Variants in LMO7 observed in about 807,000 individuals in gnomAD.
The protein encoded by LMO7 is LIM domain 7.
A neutral mutation model predicts 206.5 loss-of-function variants in LMO7; 120 were observed. The ratio of observed to expected loss-of-function variants is 0.58; its 90% CI spans 0.50 to 0.68. The LOEUF (loss-of-function observed/expected upper bound fraction) is 0.68, where lower values mean the gene tolerates loss of function less well. LMO7 is among the 30% of genes least tolerant of loss of function. The probability of loss-of-function intolerance (pLI) is 0.00; values close to 1 mark genes in which losing one functional copy is unlikely to be tolerated. For synonymous variants in LMO7, 706 were observed against 681.5 expected, an observed-to-expected ratio of 1.04 and a Z score of -0.56; for missense variants, 1,959 against 1,957.9, an observed-to-expected ratio of 1.00 and a Z score of -0.01.
chr13:75,657,446 C>T (rs1182858884), intron 1 of LMO7, among the ~76,000 whole-genome samples: 1 of 151,922 alleles, frequency 6.6e-6, no homozygotes, highest in African/African-American at 2.4e-5. Flanking sequence ...TTGGTGACAC[C>T]AGCAGTCAAT....
At chr13:75,671,075 C>T (rs372522405) in intron 1 of LMO7, among the ~76,000 whole-genome samples, 1 of 149,832 alleles carries the variant, frequency 6.7e-6, no homozygotes, top group African/African-American at 2.5e-5. Flanking sequence ...TCACTGTCTT[C>T]TACCTCCACG....
At chr13:75,771,891 A>G (rs956491866) in intron 4 of LMO7, among the ~76,000 whole-genome samples, 15 of 96,382 alleles carry the variant, frequency 1.6e-4, no homozygotes, top group Non-Finnish European at 2.9e-4. Flanking sequence ...TAAAGAAGAA[A>G]AATTACTTCA....
At chr13:75,663,462 G>T (rs1370177559) in intron 1 of LMO7, among the ~76,000 whole-genome samples, 2 of 75,726 alleles carry the variant, frequency 2.6e-5, no homozygotes, top group African/African-American at 9.2e-5. Flanking sequence ...ACGGAGCCTC[G>T]CTCTGTCGCC....
rs552247613 is a variant in LMO7, at chr13:75,747,024, G to A, written c.211-13908G>A. 2.0e-5 allele frequency among the ~76,000 whole-genome samples: 3 copies of A among 152,166 alleles called. No individual in the cohort carries two copies. The East Asian group carries it at 5.8e-4, about 29-fold the overall frequency. ...CTGGCAAACATACTTAGTCCGGTTT[G>A]TACATGTTGAAGCAATAAAGTGTAG... On this transcript the variant is annotated intron_variant, in intron 3 of 30. Transcript: ENST00000377534.
chr13:75,680,906 C>T (rs7991894), intron 1 of LMO7, among the ~76,000 whole-genome samples: 14,371 of 152,168 alleles, frequency 0.094, 757 homozygotes, highest in Middle Eastern at 0.12. Context: ...ATTCGCATTT[C>T]GCTAATCATC....
intron 6 of LMO7, among the ~76,000 whole-genome samples, chr13:75,799,496 A>G (rs537721324): frequency 2.0e-4 from 31 of 152,286 alleles, no homozygotes; most frequent in African/African-American, 6.5e-4. Context: ...ATATTCTTCT[A>G]TGTAGCTACA....
intron 18 of LMO7, 26 bp downstream of exon 18, chr13:75,835,365 A>T: frequency 6.7e-7 from 1 of 1,489,480 alleles, no homozygotes; most frequent in Non-Finnish European, 9.1e-7. Context: ...AGTAGGAAGT[A>T]CTGGTGTGGA....
intron 1 of LMO7, among the ~76,000 whole-genome samples, chr13:75,691,816 C>G (rs1189631151): frequency 6.6e-6 from 1 of 152,104 alleles, no homozygotes; most frequent in Non-Finnish European, 1.5e-5. Flanking sequence ...CCCATTCACC[C>G]CTCTTTACTC....
At chr13:75,701,479 G>A (rs537399380) in intron 1 of LMO7, among the ~76,000 whole-genome samples, 75 of 152,288 alleles carry the variant, frequency 4.9e-4, no homozygotes, top group African/African-American at 1.8e-3. Context: ...GGTAATTGTT[G>A]AGACTTGCTA....
intron 4 of LMO7, among the ~76,000 whole-genome samples, chr13:75,767,249 A>G (rs1256734823): frequency 6.6e-6 from 1 of 152,132 alleles, no homozygotes; most frequent in Non-Finnish European, 1.5e-5. Context: ...TGTTAGAAAC[A>G]TTTCAGTGTC....
chr13:75,634,423 G>C (rs1449824641), upstream of LMO7, among the ~76,000 whole-genome samples: 1 of 143,626 alleles, frequency 7.0e-6, no homozygotes, highest in East Asian at 2.1e-4. Context: ...AGGCAACAGA[G>C]CTGTCTCTTA....
intron 1 of LMO7, chr13:75,622,431 C>T (rs1351961986): frequency 1.3e-5 from 2 of 152,206 alleles, no homozygotes; most frequent in Non-Finnish European, 2.9e-5. Flanking sequence ...CTTTAGGTTT[C>T]TGTGTCCACT....
chr13:75,807,706 C>G lies in LMO7; in HGVS notation c.1423C>G (p.Pro475Ala), dbSNP rs1259186262. 2 of 1,613,850 alleles carry G rather than the reference C, an allele frequency of 1.2e-6. No individual in the cohort carries two copies. Among genetic ancestry groups the G allele is most frequent in the Non-Finnish European group, 1.7e-6 (2 of 1,179,904 alleles). Residue 475 changes from proline (P) to alanine (A), a missense_variant, in exon 10 of 31, where the codon CCA (proline) becomes GCA (alanine). By Grantham distance (27) the Pro-to-Ala change is conservative (BLOSUM62 -1). Transcript: ENST00000377534. ...VRKTGAFHAN[P>A]YVLRAFEDFR... ...AAAGACTGGGGCTTTCCATGCAAATCCATATGTTCTCCGAGCTTTTGAAGA... is the reference window on the plus strand; with the variant it reads ...AAAGACTGGGGCTTTCCATGCAAATGCATATGTTCTCCGAGCTTTTGAAGA...
chr13:75,630,786 G>T (rs921271509), intron 2 of LMO7, among the ~76,000 whole-genome samples: 1 of 152,026 alleles, frequency 6.6e-6, no homozygotes, highest in East Asian at 1.9e-4. Context: ...CAGATAAGGT[G>T]CTTTATACAC....
intron 2 of LMO7, among the ~76,000 whole-genome samples, chr13:75,713,822 A>G (rs191737351): frequency 6.6e-6 from 1 of 152,332 alleles, no homozygotes; most frequent in Admixed American, 6.5e-5. Flanking sequence ...TTGATAGTAT[A>G]AGGCCTACAT....
intron 20 of LMO7, 71 bp downstream of exon 20, chr13:75,838,267 T>G: frequency 6.6e-7 from 1 of 1,515,810 alleles, no homozygotes; most frequent in Non-Finnish European, 9.1e-7. Context: ...CCTCATGGTC[T>G]GTGGTGCTGG....
chr13:75,686,609 A>T (rs1027594138), intron 1 of LMO7, among the ~76,000 whole-genome samples: 2 of 150,708 alleles, frequency 1.3e-5, no homozygotes, highest in African/African-American at 4.9e-5. Context: ...TAGATTTGAC[A>T]GACTAGTGGA....
intron 8 of LMO7, 164 bp from the exon 9 acceptor site, chr13:75,805,315 G>A: frequency 1.1e-6 from 1 of 928,828 alleles, no homozygotes; most frequent in East Asian, 2.7e-5. Context: ...AAAATGAGAT[G>A]CTGTTATAAT....
rs1028256475 is a variant in LMO7 at position 75,817,083 on chromosome 13, A to C, written c.1947-78A>C. ...GTAGAAATTTAGGTGGAATTTCCAA[A>C]TTTAACTCCAACCTCAGTTTAACCC... On this transcript the variant is annotated intron_variant, in intron 11 of 30. Transcript: ENST00000377534. The C allele has an allele frequency of 1.5e-5, 15 of 995,870 alleles. No homozygotes were observed. In the African/African-American group the frequency reaches 2.4e-4, roughly 16 times the overall value. The allele number at this position is 995,870 out of a possible 1,614,324, so 61.7% of individuals were successfully genotyped here.
Sources: gnomAD v4.1 joint callset for allele counts (sites outside exome capture counted in the v4.1 genomes callset) on GRCh38, gnomAD v4.1.1 for gene constraint, MANE v1.5 for transcripts, NCBI Gene and HGNC (gene_info 2026-07-23, HGNC 2026-07-21) for gene names.